The following SLC35F1 variants were observed in gnomAD, a reference collection of about 807,000 sequenced individuals.
The protein encoded by SLC35F1 is solute carrier family 35 member F1, also known as chromosome 6 open reading frame 169.
In SLC35F1, 14 loss-of-function variants were observed where a neutral mutation model predicts 48.7. The observed-to-expected ratio is 0.29, with a 90% CI of 0.19 to 0.45. The LOEUF is 0.45. Ranked by LOEUF, SLC35F1 falls within the 20% of genes least tolerant of loss-of-function variation. The pLI is 1.00. For missense variants in SLC35F1, 404 were observed against 500.0 expected (o/e 0.81, Z 1.83); for synonymous variants, 190 against 202.2 (o/e 0.94, Z 0.51).
intron 1 of SLC35F1, among the ~76,000 whole-genome samples, chr6:117,993,231 A>C (rs1324516861): frequency 2.0e-5 from 3 of 152,144 alleles, no homozygotes; most frequent in African/African-American, 7.2e-5. Flanking sequence ...CCTGAACAGC[A>C]GCATCCTTCT....
intron 2 of SLC35F1, among the ~76,000 whole-genome samples, chr6:118,178,936 G>GT (rs1774532900): frequency 6.6e-6 from 1 of 152,042 alleles, no homozygotes; most frequent in Non-Finnish European, 1.5e-5. Flanking sequence ...TTATGTCCAC[G>GT]TTATTACAAT....
rs577909234 is a variant in SLC35F1, at chr6:118,248,129, G to A, written c.477+12493G>A. ...AGAGTGACTATCTTGAATGATAACC[G>A]TGTTTGGATGAGTGAATTCCAGTGC... is the stretch of plus-strand genomic sequence containing the variant. On this transcript the variant is annotated intron_variant, in intron 3 of 7. Transcript: ENST00000360388. 5.9e-5 allele frequency among the ~76,000 whole-genome samples: 9 copies of A among 152,268 alleles called. No individual in the cohort carries two copies. In the Middle Eastern group the frequency reaches 0.01, roughly 174 times the overall value.
intron 3 of SLC35F1, among the ~76,000 whole-genome samples, chr6:118,256,325 A>G (rs1775646103): frequency 6.6e-6 from 1 of 152,012 alleles, no homozygotes; most frequent in African/African-American, 2.4e-5. Context: ...ATGAATTTAT[A>G]TATGTCACTT....
chr6:118,272,657 T>C (rs1259115628), intron 4 of SLC35F1, among the ~76,000 whole-genome samples: 1 of 150,832 alleles, frequency 6.6e-6, no homozygotes, highest in African/African-American at 2.4e-5. Flanking sequence ...ACAGAGGAAA[T>C]ATAATTTTAT....
At chr6:117,987,425 T>C (rs1776862601) in intron 1 of SLC35F1, among the ~76,000 whole-genome samples, 3 of 151,756 alleles carry the variant, frequency 2.0e-5, no homozygotes, top group Non-Finnish European at 1.5e-5. Context: ...CTTTCTCTCT[T>C]TCCTTCTCCG....
At chr6:118,006,988 A>T (rs1192639550) in intron 1 of SLC35F1, among the ~76,000 whole-genome samples, 10 of 151,938 alleles carry the variant, frequency 6.6e-5, no homozygotes, top group Admixed American at 6.6e-4. Context: ...ATATATTAAT[A>T]AATGTATTTA....
intron 3 of SLC35F1, among the ~76,000 whole-genome samples, chr6:118,254,467 A>G (rs1224719599): frequency 6.6e-6 from 1 of 152,052 alleles, no homozygotes; most frequent in African/African-American, 2.4e-5. Flanking sequence ...TTGTTTGTAA[A>G]GATGGGGTCT....
intron 1 of SLC35F1, among the ~76,000 whole-genome samples, chr6:117,967,771 A>G (rs1776589331): frequency 6.6e-6 from 1 of 152,198 alleles, no homozygotes; most frequent in African/African-American, 2.4e-5. Context: ...CTACCAAGAA[A>G]GGGTGAGTTA....
chr6:118,215,567 T>C (rs1342675826), intron 2 of SLC35F1, among the ~76,000 whole-genome samples: 2 of 151,824 alleles, frequency 1.3e-5, no homozygotes, highest in African/African-American at 4.8e-5. Context: ...TCTCCCAAAA[T>C]GGGAAATGGC....
At chr6:118,191,106 A>T (rs965181969) in intron 2 of SLC35F1, among the ~76,000 whole-genome samples, 1 of 152,168 alleles carries the variant, frequency 6.6e-6, no homozygotes, top group African/African-American at 2.4e-5. Flanking sequence ...CTAGAAGAGT[A>T]AAGGCCTCCT....
rs552102510 is a variant in SLC35F1 at position 118,292,672 on chromosome 6, A to G, written c.1002+7334A>G. 2.9e-5 allele frequency among the ~76,000 whole-genome samples: 4 copies of G among 138,780 alleles called. No homozygotes were observed. In the South Asian group the frequency reaches 9.8e-4, roughly 34 times the overall value. 91.0% of individuals were successfully genotyped at this position (138,780 alleles called of 152,430 possible). On this transcript the variant is annotated intron_variant, in intron 7 of 7. Coordinates refer to ENST00000360388, the MANE Select transcript of SLC35F1 (RefSeq NM_001029858.4). Reference sequence around the variant, plus strand: ...ACTAAATGAAGCTCGCCTGCCTAACATTGATTATTTGGTTGTTTTTTTTTT... The same window carrying G: ...ACTAAATGAAGCTCGCCTGCCTAACGTTGATTATTTGGTTGTTTTTTTTTT...
chr6:117,923,766 C>CATAT lies in SLC35F1; in HGVS notation c.173+15870_173+15871insTATA, dbSNP rs1775971548. Among the ~76,000 whole-genome samples the CATAT allele has an allele frequency of 2.2e-4, 4 of 17,830 alleles. 1 individual carries two copies. Among genetic ancestry groups the CATAT allele is most frequent in the South Asian group, 3.1e-3 (2 of 646 alleles). 11.7% of individuals were successfully genotyped at this position (17,830 alleles called of 152,430 possible). A position where few individuals can be genotyped will look rare whatever the true frequency, so the allele number is the denominator to read the frequency against. On this transcript the variant is annotated intron_variant, in intron 1 of 7. Coordinates refer to ENST00000360388, the MANE Select transcript of SLC35F1 (RefSeq NM_001029858.4). Reference sequence around the variant, plus strand: ...ATATATGTACATATATACATATGCACATACATATGTATATATACATATATG... The same window carrying CATAT: ...ATATATGTACATATATACATATGCACATATATACATATGTATATATACATATATG...
In SLC35F1 at chr6:118,315,942, C is replaced by A. The variant is rs879398507; in HGVS notation, c.*1690C>A. 2.0e-5 allele frequency: 3 copies of A among 152,104 alleles called. No individual in the cohort carries two copies. The highest frequency in any genetic ancestry group is 4.4e-5 in the Non-Finnish European group (3 of 68,034). 9.4% of individuals were successfully genotyped at this position (152,104 alleles called of 1,614,324 possible). A position where few individuals can be genotyped will look rare whatever the true frequency, so the allele number is the denominator to read the frequency against. ...TCTTTTAGTTTGACTGACTTCAATA[C>A]CATTCAAAAAGATCCTCAATGGAGT... is the stretch of plus-strand genomic sequence containing the variant. On this transcript the variant is annotated 3_prime_UTR_variant, in exon 8 of 8. Coordinates refer to ENST00000360388, the MANE Select transcript of SLC35F1 (RefSeq NM_001029858.4).
At chr6:118,304,909 A>T (rs1472817534) in intron 7 of SLC35F1, among the ~76,000 whole-genome samples, 5 of 149,604 alleles carry the variant, frequency 3.3e-5, no homozygotes, top group Non-Finnish European at 7.4e-5. Context: ...ACACCACTTG[A>T]TATTCCCTGA....
At chr6:118,050,540 C>T (rs1036753044) in intron 1 of SLC35F1, among the ~76,000 whole-genome samples, 1 of 151,774 alleles carries the variant, frequency 6.6e-6, no homozygotes, top group Admixed American at 6.6e-5. Flanking sequence ...GAAGTGATAG[C>T]TAAGGAAGAA....
chr6:118,208,100 C>T (rs205922), intron 2 of SLC35F1, among the ~76,000 whole-genome samples: 10 of 142,620 alleles, frequency 7.0e-5, no homozygotes, highest in African/African-American at 8.1e-5. Context: ...CACACATGCA[C>T]GCACACACAC....
intron 1 of SLC35F1, among the ~76,000 whole-genome samples, chr6:118,071,241 A>G (rs1056040122): frequency 2.0e-5 from 3 of 149,926 alleles, no homozygotes; most frequent in African/African-American, 4.9e-5. Flanking sequence ...TGAAATGATC[A>G]GTACTGCTTA....
At chr6:118,246,443 T>C (rs1222122543) in intron 3 of SLC35F1, among the ~76,000 whole-genome samples, 1 of 152,158 alleles carries the variant, frequency 6.6e-6, no homozygotes, top group African/African-American at 2.4e-5. Context: ...GTGTGAAATA[T>C]AGTAAAATGG....
At chr6:117,923,884 A>C (rs554475085) in intron 1 of SLC35F1, among the ~76,000 whole-genome samples, 42 of 136,036 alleles carry the variant, frequency 3.1e-4, no homozygotes, top group Admixed American at 1.6e-3. Context: ...ACATATGTAG[A>C]TACACATATA....
Sources: gnomAD v4.1 joint callset for allele counts (sites outside exome capture counted in the v4.1 genomes callset) on GRCh38, gnomAD v4.1.1 for gene constraint, MANE v1.5 for transcripts, NCBI Gene and HGNC (gene_info 2026-07-23, HGNC 2026-07-21) for gene names.